The following SNTG2 variants were observed in gnomAD, a reference collection of about 807,000 sequenced individuals.
The protein encoded by SNTG2 is syntrophin gamma 2.
In SNTG2, 74 loss-of-function variants were observed where a neutral mutation model predicts 70.9. The observed-to-expected ratio is 1.04, with a 90% CI of 0.86 to 1.27. The LOEUF (loss-of-function observed/expected upper bound fraction) is 1.27. Ranked by LOEUF, SNTG2 falls within the 50% of genes most tolerant of loss-of-function variation. The pLI, the probability that SNTG2 is intolerant of heterozygous loss-of-function variation, is 0.00. For synonymous variants in SNTG2, 278 were observed against 273.8 expected, an observed-to-expected ratio of 1.02 and a Z score of -0.15; for missense variants, 717 against 690.7, an observed-to-expected ratio of 1.04 and a Z score of -0.43.
chr2:1,022,386 C>CCTGCGTTCTCAGGAGCCT (rs531474625), intron 1 of SNTG2, among the ~76,000 whole-genome samples: 2 of 151,968 alleles, frequency 1.3e-5, no homozygotes, highest in African/African-American at 4.8e-5. Flanking sequence ...CCCGTGAGGA[C>CCTGCGTTCTCAGGAGCCT]CTGCGTTCTC....
At chr2:1,098,496 T>G (rs1018606028) in intron 4 of SNTG2, 86 bp downstream of exon 4, 1 of 1,400,350 alleles carries the variant, frequency 7.1e-7, no homozygotes, top group African/African-American at 1.4e-5. Context: ...TCAGCAGATA[T>G]GTGTTTTGCT....
At chr2:1,011,298 TAC>T (rs1026793366) in intron 1 of SNTG2, among the ~76,000 whole-genome samples, 1 of 152,226 alleles carries the variant, frequency 6.6e-6, no homozygotes, top group African/African-American at 2.4e-5. Context: ...AATTTCTGGT[TAC>T]ACAGATAAGC....
intron 12 of SNTG2, among the ~76,000 whole-genome samples, chr2:1,248,304 A>G (rs1447196499): frequency 6.6e-6 from 1 of 152,178 alleles, no homozygotes; most frequent in Non-Finnish European, 1.5e-5. Flanking sequence ...GTCTGCCTCC[A>G]CTCAGCTCCC....
intron 1 of SNTG2, among the ~76,000 whole-genome samples, chr2:1,007,331 C>T (rs1372786180): frequency 1.3e-5 from 2 of 152,160 alleles, no homozygotes; most frequent in Non-Finnish European, 2.9e-5. Context: ...AAACTTGTTA[C>T]CTCATCGGTG....
chr2:1,223,356 G>A (rs587626510), intron 9 of SNTG2, among the ~76,000 whole-genome samples: 208 of 151,378 alleles, frequency 1.4e-3, no homozygotes, highest in African/African-American at 4.7e-3. Context: ...GCGTCTCCCT[G>A]TCCTGCCGTG....
At chr2:1,285,812 C>A (rs906426382) in intron 14 of SNTG2, among the ~76,000 whole-genome samples, 6 of 152,066 alleles carry the variant, frequency 3.9e-5, no homozygotes, top group African/African-American at 1.4e-4. Context: ...TGGAAAGACC[C>A]AAACCTTCAT....
chr2:1,283,249 C>A (rs115184044), intron 14 of SNTG2, among the ~76,000 whole-genome samples: 2,017 of 152,306 alleles, frequency 0.013, 49 homozygotes, highest in African/African-American at 0.047. Flanking sequence ...CCTCCGAAGT[C>A]ACCTCTCACC....
chr2:1,308,764 A>G (rs974461024), intron 15 of SNTG2, among the ~76,000 whole-genome samples, 178 bp downstream of exon 15: 10 of 152,198 alleles, frequency 6.6e-5, no homozygotes, highest in Non-Finnish European at 1.5e-4. Context: ...CAGGATCGCC[A>G]CAAGCCCTGA....
At chr2:959,248 T>A (rs1354230409) in intron 1 of SNTG2, among the ~76,000 whole-genome samples, 3 of 152,192 alleles carry the variant, frequency 2.0e-5, no homozygotes, top group Non-Finnish European at 4.4e-5. Context: ...CAGCTGCATA[T>A]GTGAATTACG....
chr2:1,208,695 G>A (rs1673831732), intron 8 of SNTG2, among the ~76,000 whole-genome samples: 1 of 152,156 alleles, frequency 6.6e-6, no homozygotes, highest in Non-Finnish European at 1.5e-5. Context: ...CTGGACGCCC[G>A]TTGGAATGTC....
chr2:990,931 G>A (rs2147977656), intron 1 of SNTG2, among the ~76,000 whole-genome samples: 1 of 151,340 alleles, frequency 6.6e-6, no homozygotes, highest in South Asian at 2.1e-4. Flanking sequence ...CAGGTTGGAA[G>A]GCATATATTG....
At chr2:1,237,801 C>T (rs1483098585) in intron 9 of SNTG2, 87 bp from the exon 10 acceptor site, 23 of 1,496,806 alleles carry the variant, frequency 1.5e-5, no homozygotes, top group Non-Finnish European at 2.1e-5. Context: ...CAGGGTAGAG[C>T]CCTGCTGAGC....
At chr2:1,267,225 C>T (rs1482071639) in intron 13 of SNTG2, 140 bp from the exon 14 acceptor site, 2 of 696,518 alleles carry the variant, frequency 2.9e-6, no homozygotes, top group Non-Finnish European at 4.9e-6. Flanking sequence ...GGGCTCATTG[C>T]TCTGAATTTG....
In SNTG2 at chr2:1,139,755, G is replaced by A. The variant is rs187889587; in HGVS notation, c.411+1946G>A. On this transcript the variant is annotated intron_variant, in intron 6 of 16. Transcript: ENST00000308624. Reference sequence around the variant, plus strand: ...GAGGTGGGAGGATCACTTGAGCCAAGGAGTTTGAGGCTGCATGAGCTATTA... The same window carrying A: ...GAGGTGGGAGGATCACTTGAGCCAAAGAGTTTGAGGCTGCATGAGCTATTA... Among the ~76,000 whole-genome samples, 11 of 150,128 alleles carry A rather than the reference G, an allele frequency of 7.3e-5. No individual in the cohort carries two copies. The East Asian group carries it at 2.0e-3, about 27-fold the overall frequency.
chr2:1,215,875 G>A (rs1674357681), intron 9 of SNTG2, among the ~76,000 whole-genome samples: 1 of 152,076 alleles, frequency 6.6e-6, no homozygotes, highest in African/African-American at 2.4e-5. Context: ...CCCTACAAAG[G>A]ACATGAACTC....
intron 1 of SNTG2, among the ~76,000 whole-genome samples, chr2:1,060,927 C>T (rs1662778604): frequency 1.3e-5 from 2 of 152,106 alleles, no homozygotes; most frequent in South Asian, 4.1e-4. Flanking sequence ...AAAATGGTAA[C>T]ATTAGGGTGG....
rs560400413 is a variant in SNTG2, at chr2:1,000,652, G to T, written c.72+49584G>T. ...AAAATTCTAACCAAAACAAGTCCAG[G>T]ATCAGACAGTTTCACAGATAAATTA... On this transcript the variant is annotated intron_variant, in intron 1 of 16. Coordinates refer to ENST00000308624, the MANE Select transcript of SNTG2 (RefSeq NM_018968.4). Among the ~76,000 whole-genome samples the T allele has an allele frequency of 4.6e-5, 7 of 151,296 alleles. No homozygotes were observed. In the South Asian group the frequency reaches 1.5e-3, roughly 32 times the overall value.
At chr2:954,008 C>G (rs1179505363) in intron 1 of SNTG2, among the ~76,000 whole-genome samples, 1 of 152,044 alleles carries the variant, frequency 6.6e-6, no homozygotes, top group Admixed American at 6.6e-5. Context: ...CATCGCAGGC[C>G]TCCTATTTAC....
In SNTG2 at chr2:1,137,502, G is replaced by GCACACA. The variant is rs35182823; in HGVS notation, c.326-110_326-105dup. The GCACACA allele has an allele frequency of 1.9e-3, 1,602 of 834,112 alleles. 4 individuals are homozygous for GCACACA. Among genetic ancestry groups the GCACACA allele is most frequent in the East Asian group, 9.1e-3 (330 of 36,432 alleles). The allele number at this position is 834,112 out of a possible 1,614,324, so 51.7% of individuals were successfully genotyped here. A position where few individuals can be genotyped will look rare whatever the true frequency, so the allele number is the denominator to read the frequency against. ...CACACATCTGCTCACGTGGACACAT[G>GCACACA]CACACACACACACACGTGGCCACTT... is the stretch of plus-strand genomic sequence containing the variant. On this transcript the variant is annotated intron_variant, in intron 4 of 16. Coordinates refer to ENST00000308624, the MANE Select transcript of SNTG2 (RefSeq NM_018968.4).
Sources: gnomAD v4.1 joint callset for allele counts (sites outside exome capture counted in the v4.1 genomes callset) on GRCh38, gnomAD v4.1.1 for gene constraint, MANE v1.5 for transcripts, NCBI Gene and HGNC (gene_info 2026-07-23, HGNC 2026-07-21) for gene names.